CACNA1E: variants seen among roughly 807,000 people sequenced by gnomAD.
The protein encoded by CACNA1E is voltage-dependent R-type calcium channel subunit alpha-1E.
A neutral mutation model predicts 259.2 loss-of-function variants in CACNA1E; 40 were observed. That is an observed-to-expected ratio of 0.15 (90% CI 0.12 to 0.20). The LOEUF (loss-of-function observed/expected upper bound fraction) is 0.20. CACNA1E is among the 10% of genes least tolerant of loss of function. CACNA1E has a pLI of 1.00. For synonymous variants in CACNA1E, 1,104 were observed against 1,138.5 expected, an observed-to-expected ratio of 0.97 and a Z score of 0.61; for missense variants, 1,874 against 3,040.1, an observed-to-expected ratio of 0.62 and a Z score of 9.02.
At chr1:181,781,085 G>A (rs957392736) in intron 38 of CACNA1E, among the ~76,000 whole-genome samples, 30 of 152,152 alleles carry the variant, frequency 2.0e-4, no homozygotes, top group Non-Finnish European at 5.9e-5. Context: ...TGCTAATCGA[G>A]GAGAAAATGA....
At chr1:181,416,269 G>T (rs779779926) in intron 2 of CACNA1E, among the ~76,000 whole-genome samples, 13 of 152,212 alleles carry the variant, frequency 8.5e-5, no homozygotes, top group South Asian at 2.1e-4. Flanking sequence ...GGTTCCAACC[G>T]ATGTCAGCCA....
At chr1:181,438,530 T>C (rs1014383671) in intron 2 of CACNA1E, among the ~76,000 whole-genome samples, 17 of 152,220 alleles carry the variant, frequency 1.1e-4, no homozygotes, top group African/African-American at 3.9e-4. Context: ...TTTTTTTAAA[T>C]CATCAGGTGG....
intron 1 of CACNA1E, among the ~76,000 whole-genome samples, chr1:181,409,670 T>C (rs1000156116): frequency 3.9e-5 from 6 of 152,146 alleles, no homozygotes; most frequent in African/African-American, 1.4e-4. Flanking sequence ...CTGAATTGCT[T>C]GAGATCTCGG....
chr1:181,432,339 A>G (rs1350093466), intron 2 of CACNA1E, among the ~76,000 whole-genome samples: 1 of 152,134 alleles, frequency 6.6e-6, no homozygotes, highest in East Asian at 1.9e-4. Context: ...AACATCAAGC[A>G]CCCAGGTCCA....
intron 2 of CACNA1E, among the ~76,000 whole-genome samples, chr1:181,465,175 C>A (rs1413875983): frequency 6.6e-6 from 1 of 152,050 alleles, no homozygotes; most frequent in Non-Finnish European, 1.5e-5. Context: ...GGCCTGGCCT[C>A]TATTATTATA....
intron 7 of CACNA1E, among the ~76,000 whole-genome samples, chr1:181,686,564 G>A (rs1488362665): frequency 6.6e-6 from 1 of 152,204 alleles, no homozygotes; most frequent in Non-Finnish European, 1.5e-5. Context: ...TGGGATTACA[G>A]GTGTGAGCCA....
intron 3 of CACNA1E, among the ~76,000 whole-genome samples, chr1:181,559,342 A>C (rs993882012): frequency 2.0e-5 from 3 of 152,222 alleles, no homozygotes; most frequent in African/African-American, 7.2e-5. Flanking sequence ...GCAGAGTACC[A>C]GGTATGCAAG....
In CACNA1E at chr1:181,692,498, G is replaced by T. The variant is rs145266183; in HGVS notation, c.1056-18456G>T. Among the ~76,000 whole-genome samples the T allele has an allele frequency of 2.8e-3, 422 of 152,186 alleles. 2 individuals are homozygous for T. Among genetic ancestry groups the T allele is most frequent in the South Asian group, 6.6e-3 (32 of 4,820 alleles). On this transcript the variant is annotated intron_variant, in intron 7 of 47. Transcript: ENST00000367573. ...GAATAGGGAACCCAGGCATAAGGCT[G>T]CAAACCTACAGCCATCTGATCTTCA...
intron 23 of CACNA1E, 139 bp from the exon 24 acceptor site, chr1:181,738,228 C>T: frequency 1.4e-6 from 1 of 725,058 alleles, no homozygotes; most frequent in Non-Finnish European, 2.5e-6. Flanking sequence ...GGCTCTAATT[C>T]CAAGCCTTTG....
At chr1:181,396,055 G>C (rs1656659532) in intron 1 of CACNA1E, among the ~76,000 whole-genome samples, 1 of 152,178 alleles carries the variant, frequency 6.6e-6, no homozygotes. Context: ...GTCATCTCTA[G>C]GGTCAACTGG....
chr1:181,658,547 G>A (rs770868891), intron 7 of CACNA1E, among the ~76,000 whole-genome samples: 5 of 152,106 alleles, frequency 3.3e-5, no homozygotes, highest in Admixed American at 6.6e-5. Flanking sequence ...TATATCCTTC[G>A]ATAATATTAA....
chr1:181,721,883 T>C lies in CACNA1E; in HGVS notation c.2074+8T>C. The C allele has an allele frequency of 1.9e-6, 3 of 1,540,388 alleles. No individual in the cohort carries two copies. The highest frequency in any genetic ancestry group is 2.7e-6 in the Non-Finnish European group (3 of 1,112,694). ...TCACCTTGTTTGGCAACTGTATCCT[T>C]TTTAAGATGCACCTCCTCAAGCTGC... is the stretch of plus-strand genomic sequence containing the variant. On this transcript the variant is annotated splice_region_variant and intron_variant, in intron 16 of 47. Coordinates refer to ENST00000367573, the MANE Select transcript of CACNA1E (RefSeq NM_001205293.3).
chr1:181,439,667 C>T (rs964454284), intron 2 of CACNA1E, among the ~76,000 whole-genome samples: 1 of 152,120 alleles, frequency 6.6e-6, no homozygotes, highest in African/African-American at 2.4e-5. Flanking sequence ...GCAAGAGGCT[C>T]ATCTAAGGCA....
intron 37 of CACNA1E, among the ~76,000 whole-genome samples, chr1:181,772,512 T>G (rs1363235241): frequency 6.6e-6 from 1 of 152,142 alleles, no homozygotes; most frequent in Non-Finnish European, 1.5e-5. Context: ...AGGGAAAGAT[T>G]GTTGTGAAAA....
intron 1 of CACNA1E, among the ~76,000 whole-genome samples, chr1:181,356,401 A>G (rs1228263228): frequency 6.6e-6 from 1 of 152,088 alleles, no homozygotes; most frequent in East Asian, 1.9e-4. Flanking sequence ...TAGTCCCTAT[A>G]TCAACTGTTT....
intron 1 of CACNA1E, among the ~76,000 whole-genome samples, chr1:181,404,281 A>AGG: frequency 6.6e-6 from 1 of 152,314 alleles, no homozygotes; most frequent in Admixed American, 6.5e-5. Flanking sequence ...GGCACTTTCA[A>AGG]TTGGATTGTA....
rs1366341072 is a variant in CACNA1E, at chr1:181,807,730, A to C, written c.*8896A>C. 1.3e-5 allele frequency: 2 copies of C among 152,052 alleles called. No individual in the cohort carries two copies. The highest frequency in any genetic ancestry group is 4.8e-5 in the African/African-American group (2 of 41,396). The allele number at this position is 152,052 out of a possible 1,614,324, so 9.4% of individuals were successfully genotyped here. On this transcript the variant is annotated 3_prime_UTR_variant, in exon 48 of 48. Transcript: ENST00000367573. ...GACTTTATTAGCTAGGATTTTTCTT[A>C]TGATTAAAAACATCCAAAAATGTGA...
chr1:181,480,700 C>T (rs1167152022), upstream of CACNA1E, among the ~76,000 whole-genome samples: 1 of 152,188 alleles, frequency 6.6e-6, no homozygotes, highest in Admixed American at 6.5e-5. Context: ...AGGTATGCCG[C>T]CAGCCTGCTG....
At chr1:181,616,349 T>TG (rs199539424) in intron 6 of CACNA1E, among the ~76,000 whole-genome samples, 251 of 152,026 alleles carry the variant, frequency 1.7e-3, no homozygotes, top group Non-Finnish European at 2.3e-3. Flanking sequence ...TGTTTTGTTT[T>TG]TTTTGTTTTT....
Sources: gnomAD v4.1 joint callset for allele counts (sites outside exome capture counted in the v4.1 genomes callset) on GRCh38, gnomAD v4.1.1 for gene constraint, MANE v1.5 for transcripts, NCBI Gene and HGNC (gene_info 2026-07-23, HGNC 2026-07-21) for gene names.